The following HMGXB3 variants were observed in gnomAD, a reference collection of about 807,000 sequenced individuals.
The protein encoded by HMGXB3 is HMG-box containing 3, also known as HMG domain-containing protein 3.
A neutral mutation model predicts 121.5 loss-of-function variants in HMGXB3; 45 were observed. The observed-to-expected ratio is 0.37, with a 90% CI of 0.29 to 0.47. The LOEUF (loss-of-function observed/expected upper bound fraction) is 0.47. Among genes scored for constraint, HMGXB3 ranks in the 20% least tolerant of loss-of-function variants. The probability of loss-of-function intolerance (pLI) is 0.99; values close to 1 mark genes in which losing one functional copy is unlikely to be tolerated. For missense variants in HMGXB3, 1,376 were observed against 1,602.2 expected (o/e 0.86, Z 2.41); for synonymous variants, 590 against 624.1 (o/e 0.95, Z 0.81).
chr5:150,045,813 GATA>G (rs1337664292), intron 16 of HMGXB3, 128 bp downstream of exon 16: 5 of 693,632 alleles, frequency 7.2e-6, no homozygotes, highest in Non-Finnish European at 1.2e-5. Flanking sequence ...CTTTCAGAAA[GATA>G]ATAACAGCCC....
chr5:150,027,723 T>C (rs1174261726), intron 9 of HMGXB3, among the ~76,000 whole-genome samples: 1 of 152,102 alleles, frequency 6.6e-6, no homozygotes, highest in African/African-American at 2.4e-5. Context: ...CGGCTAACTT[T>C]TGTATTGTTG....
At chr5:150,007,711 G>A (rs1755732735) in intron 3 of HMGXB3, among the ~76,000 whole-genome samples, 1 of 152,042 alleles carries the variant, frequency 6.6e-6, no homozygotes, top group South Asian at 2.1e-4. Context: ...AGTGGAGATG[G>A]AGTCTAAGAA....
intron 2 of HMGXB3, among the ~76,000 whole-genome samples, chr5:150,005,934 A>G (rs770983205): frequency 6.6e-6 from 1 of 152,192 alleles, no homozygotes; most frequent in African/African-American, 2.4e-5. Flanking sequence ...TCATTCCTGC[A>G]CAAAAAGCGA....
At chr5:150,048,412 A>T (rs1756811462) in intron 17 of HMGXB3, among the ~76,000 whole-genome samples, 157 bp from the exon 18 acceptor site, 1 of 152,096 alleles carries the variant, frequency 6.6e-6, no homozygotes, top group Non-Finnish European at 1.5e-5. Flanking sequence ...GCTTACCTGT[A>T]CCTAGAGGAG....
intron 19 of HMGXB3, among the ~76,000 whole-genome samples, chr5:150,051,408 G>C (rs1756889807): frequency 6.6e-6 from 1 of 152,194 alleles, no homozygotes; most frequent in African/African-American, 2.4e-5. Flanking sequence ...TGAGCATGCT[G>C]GGGACTCCAG....
intron 4 of HMGXB3, among the ~76,000 whole-genome samples, chr5:150,011,051 C>T (rs916439201): frequency 7.9e-5 from 12 of 152,286 alleles, no homozygotes; most frequent in African/African-American, 2.4e-4. Context: ...CCTCAGCCTC[C>T]CAAGTAGCCA....
In HMGXB3 at chr5:150,012,384, A is replaced by G. The variant is rs1194310869; in HGVS notation, c.909+31A>G. 7 of 1,423,226 alleles carry G rather than the reference A, an allele frequency of 4.9e-6. No homozygotes were observed. In the African/African-American group the frequency reaches 5.7e-5, roughly 12 times the overall value. The allele number at this position is 1,423,226 out of a possible 1,614,324, so 88.2% of individuals were successfully genotyped here. A position where few individuals can be genotyped will look rare whatever the true frequency, so the allele number is the denominator to read the frequency against. On this transcript the variant is annotated intron_variant, in intron 5 of 19. Coordinates refer to ENST00000502717, the MANE Select transcript of HMGXB3 (RefSeq NM_014983.3). Reference sequence around the variant, plus strand: ...TACTGTATGTGGGGGATTGATGGCAATTAGGGTGTCATAAGCATTTTTTTT... The same window carrying G: ...TACTGTATGTGGGGGATTGATGGCAGTTAGGGTGTCATAAGCATTTTTTTT...
At chr5:150,046,550 C>T (rs1245798983) in intron 16 of HMGXB3, among the ~76,000 whole-genome samples, 3 of 152,204 alleles carry the variant, frequency 2.0e-5, no homozygotes, top group Admixed American at 1.3e-4. Context: ...CGGTGGCTCA[C>T]GCCTGTAATC....
chr5:150,033,878 G>T (rs11167493), intron 11 of HMGXB3, among the ~76,000 whole-genome samples: 25,395 of 152,018 alleles, frequency 0.17, 2,631 homozygotes, highest in Admixed American at 0.27. Context: ...ATGTTCTGAG[G>T]TTATTGTCCT....
chr5:150,023,790 AT>A (rs1458105988), intron 6 of HMGXB3, among the ~76,000 whole-genome samples: 1 of 152,196 alleles, frequency 6.6e-6, no homozygotes, highest in Admixed American at 6.5e-5. Flanking sequence ...CCCAAAGGAG[AT>A]GGGAAAATTT....
At chr5:150,040,519 G>A (rs1756604807) in intron 13 of HMGXB3, among the ~76,000 whole-genome samples, 1 of 151,496 alleles carries the variant, frequency 6.6e-6, no homozygotes, top group African/African-American at 2.4e-5. Flanking sequence ...GAGACTACAG[G>A]CATGAGATTA....
At chr5:150,050,710 G>C (rs557979393) in intron 19 of HMGXB3, among the ~76,000 whole-genome samples, 1 of 152,270 alleles carries the variant, frequency 6.6e-6, no homozygotes, top group East Asian at 1.9e-4. Context: ...CAAACTCCTG[G>C]GCTCAAGCAA....
chr5:150,008,075 A>G (rs1210895073), intron 3 of HMGXB3, among the ~76,000 whole-genome samples: 1 of 151,240 alleles, frequency 6.6e-6, no homozygotes, highest in Non-Finnish European at 1.5e-5. Flanking sequence ...ACACACACAC[A>G]CACACACACA....
In HMGXB3 at chr5:150,043,893, C is replaced by T. The variant is rs116349669; in HGVS notation, c.2731-1573C>T. Among the ~76,000 whole-genome samples, 604 of 152,316 alleles carry T rather than the reference C, an allele frequency of 4.0e-3. 3 individuals carry two copies. The highest frequency in any genetic ancestry group is 0.013 in the African/African-American group (524 of 41,568). On this transcript the variant is annotated intron_variant, in intron 15 of 19. Coordinates refer to ENST00000502717, the MANE Select transcript of HMGXB3 (RefSeq NM_014983.3). Reference sequence around the variant, plus strand: ...TCTGCACCCTAAGCACTGCCATTCTCACCAGTACCTCCTACGACTCTGAGT... The same window carrying T: ...TCTGCACCCTAAGCACTGCCATTCTTACCAGTACCTCCTACGACTCTGAGT...
At chr5:150,007,072 G>A (rs1299417507) in intron 3 of HMGXB3, among the ~76,000 whole-genome samples, 2 of 152,200 alleles carry the variant, frequency 1.3e-5, no homozygotes, top group African/African-American at 2.4e-5. Context: ...AATAAGGTTT[G>A]CATGTTTAGA....
At chr5:150,015,786 T>C (rs772241169) in intron 5 of HMGXB3, among the ~76,000 whole-genome samples, 36 of 152,350 alleles carry the variant, frequency 2.4e-4, no homozygotes, top group East Asian at 5.8e-4. Flanking sequence ...TTTCCAGATA[T>C]CTTTCTGTTA....
Position 150,027,011 on chromosome 5 carries a change from TTC to T in HMGXB3, c.1637-4_1637-3del. ...CTTAAGTCACCAGTTTGGCTCCTGG[TTC>T]TCTCAGATAAGACTCCCTCTGTGAG... On this transcript the variant is annotated splice_region_variant and splice_polypyrimidine_tract_variant and intron_variant, in intron 8 of 19. Coordinates refer to ENST00000502717, the MANE Select transcript of HMGXB3 (RefSeq NM_014983.3). 6.4e-7 allele frequency: 1 copy of T among 1,551,380 alleles called. No homozygotes were observed.
intron 2 of HMGXB3, 133 bp from the exon 3 acceptor site, chr5:150,006,340 A>G (rs1024658888): frequency 1.6e-6 from 1 of 622,840 alleles, no homozygotes; most frequent in Middle Eastern, 4.6e-4. Flanking sequence ...CCTCTTGACT[A>G]CCCATATCTT....
intron 18 of HMGXB3, 130 bp downstream of exon 18, chr5:150,048,815 G>T (rs1581268600): frequency 8.5e-6 from 6 of 703,412 alleles, no homozygotes; most frequent in Admixed American, 2.2e-5. Flanking sequence ...AGCTGCCCAC[G>T]GGTCAGGTGC....
Sources: gnomAD v4.1 joint callset for allele counts (sites outside exome capture counted in the v4.1 genomes callset) on GRCh38, gnomAD v4.1.1 for gene constraint, MANE v1.5 for transcripts, NCBI Gene and HGNC (gene_info 2026-07-23, HGNC 2026-07-21) for gene names.